The following ADAMTSL1 variants were observed in gnomAD, a reference collection of about 807,000 sequenced individuals.
ADAMTSL1 encodes the protein ADAMTS-like protein 1.
A neutral mutation model predicts 201.8 loss-of-function variants in ADAMTSL1; 126 were observed. That is an observed-to-expected ratio of 0.62 (90% CI 0.54 to 0.72). ADAMTSL1 has a LOEUF of 0.72. Ranked by LOEUF, ADAMTSL1 falls within the 30% of genes least tolerant of loss-of-function variation. ADAMTSL1 has a pLI of 0.00. For missense variants in ADAMTSL1, 2,679 were observed against 2,277.8 expected, an observed-to-expected ratio of 1.18 and a Z score of -3.59; for synonymous variants, 1,121 against 903.4, an observed-to-expected ratio of 1.24 and a Z score of -4.32.
chr9:18,010,298 CAGAA>C (rs1819999459), intron 1 of ADAMTSL1, among the ~76,000 whole-genome samples: 1 of 151,984 alleles, frequency 6.6e-6, no homozygotes, highest in African/African-American at 2.4e-5. Flanking sequence ...AACATATAAT[CAGAA>C]AGCAAGTTTT....
intron 16 of ADAMTSL1, among the ~76,000 whole-genome samples, chr9:18,768,831 C>T (rs889876703): frequency 3.3e-5 from 5 of 152,056 alleles, no homozygotes; most frequent in African/African-American, 1.2e-4. Flanking sequence ...CTCTGGGTCC[C>T]GGATTTTCCT....
intron 2 of ADAMTSL1, among the ~76,000 whole-genome samples, chr9:18,297,003 A>G (rs907946067): frequency 6.6e-6 from 1 of 152,230 alleles, no homozygotes; most frequent in African/African-American, 2.4e-5. Flanking sequence ...CACCTCCACC[A>G]GGCTCTTCTG....
intron 2 of ADAMTSL1, among the ~76,000 whole-genome samples, chr9:18,444,536 A>G (rs958718348): frequency 2.0e-5 from 3 of 152,200 alleles, no homozygotes; most frequent in Admixed American, 6.5e-5. Flanking sequence ...ATTTTAGCCT[A>G]TAAGGATAAA....
At chr9:18,182,750 G>A (rs1282794334) in intron 2 of ADAMTSL1, among the ~76,000 whole-genome samples, 1 of 152,204 alleles carries the variant, frequency 6.6e-6, no homozygotes, top group Non-Finnish European at 1.5e-5. Context: ...AGAAAACTGA[G>A]GCACGGAGTG....
chr9:18,281,439 C>T (rs992106444), intron 2 of ADAMTSL1, among the ~76,000 whole-genome samples: 11 of 152,242 alleles, frequency 7.2e-5, no homozygotes, highest in Middle Eastern at 3.4e-3. Flanking sequence ...GCCACTGATC[C>T]GTGCACAGAC....
chr9:18,374,585 C>G (rs1452902993), intron 2 of ADAMTSL1, among the ~76,000 whole-genome samples: 3 of 152,156 alleles, frequency 2.0e-5, no homozygotes, highest in Non-Finnish European at 4.4e-5. Flanking sequence ...CCTCCTGTCT[C>G]AGCCTCCCAA....
At chr9:18,889,775 C>T (rs777217192) in intron 25 of ADAMTSL1, 27 bp downstream of exon 25, 2 of 1,436,070 alleles carry the variant, frequency 1.4e-6, no homozygotes, top group South Asian at 3.1e-5. Flanking sequence ...CTGGCTCAGA[C>T]CTCCCCACCC....
At chr9:18,680,900 A>G in intron 11 of ADAMTSL1, 1 of 229,776 alleles carries the variant, frequency 4.4e-6, no homozygotes, top group Non-Finnish European at 8.7e-6. Flanking sequence ...TATGCTTTGT[A>G]TCCGAAAGGG....
chr9:18,095,425 T>C (rs1191863110), intron 1 of ADAMTSL1, among the ~76,000 whole-genome samples: 9 of 128,040 alleles, frequency 7.0e-5, no homozygotes, highest in East Asian at 2.0e-4. Context: ...TCTTTTTTTT[T>C]TTTTTTTTTT....
intron 2 of ADAMTSL1, among the ~76,000 whole-genome samples, chr9:18,201,535 C>G (rs1248051769): frequency 6.6e-6 from 1 of 152,056 alleles, no homozygotes; most frequent in Non-Finnish European, 1.5e-5. Flanking sequence ...GCCCCACCTT[C>G]CCTACTATAC....
chr9:18,041,057 C>G (rs1436028384), intron 1 of ADAMTSL1, among the ~76,000 whole-genome samples: 1 of 152,156 alleles, frequency 6.6e-6, no homozygotes, highest in Non-Finnish European at 1.5e-5. Context: ...ATAGTGATCT[C>G]AGTTAACCAC....
Position 18,721,518 on chromosome 9 carries a change from C to G in ADAMTSL1, c.1877-18C>G, listed in dbSNP as rs377156495. The G allele has an allele frequency of 2.5e-6, 4 of 1,612,952 alleles. No homozygotes were observed. In the African/African-American group the frequency reaches 5.3e-5, roughly 22 times the overall value. ...CACCCACTTTGCACTCTGGCCTGAC[C>G]GTGTGATTTGTACACAGGTGTCCAG... On this transcript the variant is annotated intron_variant, in intron 14 of 28. Coordinates refer to ENST00000380548, the MANE Select transcript of ADAMTSL1 (RefSeq NM_001040272.6).
chr9:17,983,809 T>C (rs907249857), intron 1 of ADAMTSL1, among the ~76,000 whole-genome samples: 3 of 151,994 alleles, frequency 2.0e-5, no homozygotes, highest in Non-Finnish European at 4.4e-5. Flanking sequence ...GCTTTTGAAG[T>C]TAAAAAAAAA....
At chr9:18,286,577 C>CTCCAA in intron 2 of ADAMTSL1, among the ~76,000 whole-genome samples, 1 of 54,614 alleles carries the variant, frequency 1.8e-5, no homozygotes, top group Non-Finnish European at 5.0e-5. Context: ...TTATGGTTTT[C>CTCCAA]AGATATAATC....
intron 1 of ADAMTSL1, among the ~76,000 whole-genome samples, chr9:18,043,265 A>G (rs1821508230): frequency 6.6e-6 from 1 of 152,128 alleles, no homozygotes; most frequent in South Asian, 2.1e-4. Context: ...AGGATTAGGA[A>G]CTACTAGGCC....
rs1820418935 is a variant in ADAMTSL1, at chr9:18,545,527, A to G, written c.237+12235A>G. ...GCAATTATAATTCTTCAAGGCTAGAAGTATATGAACTGCTGAGAATTTTTA... is the reference window on the plus strand; with the variant it reads ...GCAATTATAATTCTTCAAGGCTAGAGGTATATGAACTGCTGAGAATTTTTA... On this transcript the variant is annotated intron_variant, in intron 3 of 28. Coordinates refer to ENST00000380548, the MANE Select transcript of ADAMTSL1 (RefSeq NM_001040272.6). Among the ~76,000 whole-genome samples, 5 of 152,328 alleles carry G rather than the reference A, an allele frequency of 3.3e-5. No individual in the cohort carries two copies. In the South Asian group the frequency reaches 1.0e-3, roughly 32 times the overall value.
intron 2 of ADAMTSL1, among the ~76,000 whole-genome samples, chr9:18,408,229 G>A (rs1818285396): frequency 6.6e-6 from 1 of 152,182 alleles, no homozygotes; most frequent in Admixed American, 6.5e-5. Context: ...AGCACTTTGG[G>A]AAGCCAGGGT....
intron 4 of ADAMTSL1, among the ~76,000 whole-genome samples, chr9:18,620,824 G>C (rs543430679): frequency 4.9e-4 from 74 of 152,312 alleles, no homozygotes; most frequent in African/African-American, 1.7e-3. Flanking sequence ...TACAGTTATT[G>C]AAGGGGTTGT....
At chr9:18,769,763 A>G (rs1366602014) in intron 16 of ADAMTSL1, among the ~76,000 whole-genome samples, 1 of 152,204 alleles carries the variant, frequency 6.6e-6, no homozygotes, top group Non-Finnish European at 1.5e-5. Flanking sequence ...GCATCAAGTC[A>G]AATGGCTGTG....
Sources: gnomAD v4.1 joint callset for allele counts (sites outside exome capture counted in the v4.1 genomes callset) on GRCh38, gnomAD v4.1.1 for gene constraint, MANE v1.5 for transcripts, NCBI Gene and HGNC (gene_info 2026-07-23, HGNC 2026-07-21) for gene names.